The following MYO16 variants were observed in gnomAD, a reference collection of about 807,000 sequenced individuals.
MYO16 encodes unconventional myosin-XVI.
In MYO16, 94 loss-of-function variants were observed where a neutral mutation model predicts 205.3. The ratio of observed to expected loss-of-function variants is 0.46; its 90% CI spans 0.39 to 0.54. MYO16 has a LOEUF of 0.54. Among genes scored for constraint, MYO16 ranks in the 20% least tolerant of loss-of-function variants. The pLI is 0.00. For synonymous variants in MYO16, 988 were observed against 954.0 expected (o/e 1.04, Z -0.66); for missense variants, 2,315 against 2,387.5 (o/e 0.97, Z 0.63).
intron 33 of MYO16, among the ~76,000 whole-genome samples, chr13:109,174,566 G>T (rs1028756898): frequency 3.9e-5 from 6 of 152,030 alleles, no homozygotes; most frequent in African/African-American, 1.4e-4. Flanking sequence ...TGGATTTAAA[G>T]GTGATGGAAT....
intron 2 of MYO16, among the ~76,000 whole-genome samples, chr13:108,680,895 A>G (rs971183030): frequency 6.6e-6 from 1 of 152,210 alleles, no homozygotes; most frequent in Non-Finnish European, 1.5e-5. Flanking sequence ...TCTTATACAT[A>G]TATAGTGACT....
At chr13:108,683,867 G>A (rs1216303759) in intron 2 of MYO16, among the ~76,000 whole-genome samples, 1 of 152,162 alleles carries the variant, frequency 6.6e-6, no homozygotes, top group Non-Finnish European at 1.5e-5. Context: ...TTCTGAAGGA[G>A]TAAGATGTGT....
chr13:109,190,211 G>C (rs964169008), intron 34 of MYO16, among the ~76,000 whole-genome samples: 4 of 152,026 alleles, frequency 2.6e-5, no homozygotes, highest in African/African-American at 9.7e-5. Flanking sequence ...GTAAAGTTTA[G>C]GTTTGTTTTT....
intron 16 of MYO16, among the ~76,000 whole-genome samples, chr13:108,915,709 AG>A (rs1321465811): frequency 1.3e-5 from 2 of 152,220 alleles, no homozygotes; most frequent in Non-Finnish European, 2.9e-5. Context: ...AAATCCAAAA[AG>A]TTATTCTGAA....
At chr13:108,861,389 A>T (rs1247307635) in intron 11 of MYO16, among the ~76,000 whole-genome samples, 1 of 152,222 alleles carries the variant, frequency 6.6e-6, no homozygotes, top group African/African-American at 2.4e-5. Flanking sequence ...ATAAACTACT[A>T]TATGAGTATA....
At chr13:108,736,665 C>T (rs1594251444) in intron 4 of MYO16, among the ~76,000 whole-genome samples, 2 of 152,126 alleles carry the variant, frequency 1.3e-5, no homozygotes, top group Admixed American at 6.6e-5. Context: ...AGTAGTTTTT[C>T]CCAATTCTCT....
chr13:108,925,746 G>A (rs1881971035), intron 16 of MYO16, among the ~76,000 whole-genome samples: 1 of 152,126 alleles, frequency 6.6e-6, no homozygotes, highest in African/African-American at 2.4e-5. Flanking sequence ...CTGCAGTACA[G>A]GACTTCGCTC....
At position 109,170,333 on chromosome 13, in the gene MYO16, C is replaced by G. The variant is rs1004862415; in HGVS notation, c.5323+5274C>G. 2.0e-5 allele frequency among the ~76,000 whole-genome samples: 3 copies of G among 152,058 alleles called. 1 individual carries two copies. In the South Asian group the frequency reaches 6.2e-4, roughly 32 times the overall value. On this transcript the variant is annotated intron_variant, in intron 33 of 34. Coordinates refer to ENST00000457511, the MANE Select transcript of MYO16 (RefSeq NM_001198950.3). ...AGAAATGTAACTGAAGACTCCAGGG[C>G]AATACTACTACACACACTCTAGAAT...
intron 2 of MYO16, among the ~76,000 whole-genome samples, chr13:108,699,532 C>T (rs1307948343): frequency 6.6e-6 from 1 of 152,098 alleles, no homozygotes; most frequent in Non-Finnish European, 1.5e-5. Flanking sequence ...ATTTATATTG[C>T]ATGCATCCTG....
At chr13:108,538,006 A>G in the MYO16 span, among the ~76,000 whole-genome samples, 2 of 151,950 alleles carry the variant, frequency 1.3e-5, no homozygotes, top group Non-Finnish European at 2.9e-5. Flanking sequence ...GTGCAGAAGC[A>G]CTTTAGTTTA....
At chr13:109,129,598 G>C (rs549610716) in intron 31 of MYO16, among the ~76,000 whole-genome samples, 7 of 152,134 alleles carry the variant, frequency 4.6e-5, no homozygotes, top group Non-Finnish European at 1.0e-4. Flanking sequence ...TCTCAAAAAG[G>C]TGTGATTAGA....
chr13:108,744,524 G>T (rs946047829), intron 4 of MYO16, among the ~76,000 whole-genome samples: 1 of 152,196 alleles, frequency 6.6e-6, no homozygotes, highest in Non-Finnish European at 1.5e-5. Context: ...CTGAAGAACA[G>T]TATGATTCTG....
At chr13:108,813,474 G>T (rs1887357043) in intron 7 of MYO16, among the ~76,000 whole-genome samples, 1 of 151,970 alleles carries the variant, frequency 6.6e-6, no homozygotes, top group Admixed American at 6.6e-5. Flanking sequence ...AACTAGGAAG[G>T]AATGAGTGCT....
intron 34 of MYO16, among the ~76,000 whole-genome samples, chr13:109,198,415 CA>C (rs202134186): frequency 0.036 from 5,535 of 152,112 alleles, 145 homozygotes; most frequent in South Asian, 0.07. Context: ...CCCTAAAATT[CA>C]AAAAAGCTGT....
intron 4 of MYO16, among the ~76,000 whole-genome samples, chr13:108,777,115 G>A (rs77083373): frequency 7.9e-5 from 12 of 152,130 alleles, no homozygotes; most frequent in South Asian, 2.1e-4. Flanking sequence ...TTTTACCTCC[G>A]AGGAAACTGG....
intron 2 of MYO16, among the ~76,000 whole-genome samples, chr13:108,678,048 G>C (rs1310136016): frequency 6.6e-6 from 1 of 152,202 alleles, no homozygotes; most frequent in South Asian, 2.1e-4. Flanking sequence ...GATGATCACT[G>C]CCTCTGACAG....
At chr13:109,063,453 T>G in intron 27 of MYO16, among the ~76,000 whole-genome samples, 1 of 152,316 alleles carries the variant, frequency 6.6e-6, no homozygotes, top group Admixed American at 6.5e-5. Flanking sequence ...TTGGATTGCC[T>G]ACAGCTGTGG....
chr13:108,799,064 G>A (rs911763707), intron 6 of MYO16, among the ~76,000 whole-genome samples: 1 of 152,180 alleles, frequency 6.6e-6, no homozygotes, highest in Non-Finnish European at 1.5e-5. Flanking sequence ...CAAGTATCAA[G>A]CAATTTTATT....
At chr13:108,738,024 C>T (rs112080687) in intron 4 of MYO16, among the ~76,000 whole-genome samples, 1 of 151,836 alleles carries the variant, frequency 6.6e-6, no homozygotes, top group African/African-American at 2.4e-5. Context: ...ATTCTTCTCT[C>T]TTCTTCTTTA....
Sources: allele counts gnomAD v4.1 joint callset (sites outside exome capture counted in the v4.1 genomes callset), GRCh38; gene constraint gnomAD v4.1.1; transcripts MANE v1.5; gene names NCBI Gene and HGNC (gene_info 2026-07-23, HGNC 2026-07-21).